Variants in WASL observed in about 807,000 individuals in gnomAD.
WASL encodes WASP like actin nucleation promoting factor.
Under a neutral mutation model 55.5 loss-of-function variants are expected in WASL, and 20 were observed. That is an observed-to-expected ratio of 0.36 (90% CI 0.25 to 0.52). The LOEUF (loss-of-function observed/expected upper bound fraction) is 0.52. Among genes scored for constraint, WASL ranks in the 20% least tolerant of loss-of-function variants. The pLI, the probability that WASL is intolerant of heterozygous loss-of-function variation, is 0.92. For missense variants in WASL, 504 were observed against 622.5 expected, an observed-to-expected ratio of 0.81 and a Z score of 2.03; for synonymous variants, 249 against 217.6, an observed-to-expected ratio of 1.14 and a Z score of -1.27.
chr7:123,725,368 G>T (rs1041893278), intron 1 of WASL, among the ~76,000 whole-genome samples: 10 of 151,676 alleles, frequency 6.6e-5, no homozygotes, highest in South Asian at 2.1e-4. Context: ...CTAATAATCT[G>T]TTTTTTTTAA....
At chr7:123,706,680 G>T in intron 3 of WASL, 60 bp downstream of exon 3, 2 of 1,203,458 alleles carry the variant, frequency 1.7e-6, no homozygotes, top group Non-Finnish European at 2.4e-6. Flanking sequence ...AAATAATTTG[G>T]ATTAGAAAAG....
intron 1 of WASL, among the ~76,000 whole-genome samples, chr7:123,746,444 A>G (rs1334954657): frequency 3.3e-5 from 5 of 152,234 alleles, no homozygotes; most frequent in Non-Finnish European, 7.3e-5. Context: ...ATGAGACAAT[A>G]TATTTCAGTA....
At chr7:123,687,022 T>C (rs1331048036) in intron 10 of WASL, among the ~76,000 whole-genome samples, 3 of 152,152 alleles carry the variant, frequency 2.0e-5, no homozygotes, top group African/African-American at 7.2e-5. Context: ...ATCTCAAATT[T>C]AATATGTAAA....
intron 1 of WASL, among the ~76,000 whole-genome samples, chr7:123,725,671 AT>A (rs1257173260): frequency 6.6e-6 from 1 of 152,212 alleles, no homozygotes; most frequent in Non-Finnish European, 1.5e-5. Context: ...AACTAAGTTC[AT>A]ACATGAGGAA....
chr7:123,692,924 T>A (rs921907274), intron 8 of WASL, 57 bp from the exon 9 acceptor site: 1 of 1,327,704 alleles, frequency 7.5e-7, no homozygotes, highest in African/African-American at 1.5e-5. Flanking sequence ...AAACATCATA[T>A]TGAAAAGTAA....
chr7:123,737,136 A>G (rs1441922166), intron 1 of WASL, among the ~76,000 whole-genome samples: 2 of 152,150 alleles, frequency 1.3e-5, no homozygotes, highest in Non-Finnish European at 2.9e-5. Context: ...TAACCCTAAC[A>G]ATAGCTGATG....
chr7:123,719,888 T>C (rs566834235), intron 1 of WASL, among the ~76,000 whole-genome samples: 2 of 152,150 alleles, frequency 1.3e-5, no homozygotes, highest in Admixed American at 6.5e-5. Flanking sequence ...GACAGGAACC[T>C]CCCAACCCAC....
chr7:123,732,480 GAC>G (rs1442339523), intron 1 of WASL, among the ~76,000 whole-genome samples: 1 of 152,138 alleles, frequency 6.6e-6, no homozygotes, highest in Non-Finnish European at 1.5e-5. Flanking sequence ...TTCCTGGAAA[GAC>G]ACGATCTATC....
chr7:123,735,858 GC>G (rs1220062098), intron 1 of WASL, among the ~76,000 whole-genome samples: 1 of 152,012 alleles, frequency 6.6e-6, no homozygotes, highest in East Asian at 1.9e-4. Context: ...GAAACGCAGG[GC>G]CAGGGAAAGA....
In WASL at chr7:123,682,851, A is replaced by G. The variant is rs1198415919; in HGVS notation, c.*1668T>C. The G allele has an allele frequency of 1.3e-5, 2 of 152,154 alleles. No homozygotes were observed. The highest frequency in any genetic ancestry group is 3.9e-4 in the East Asian group (2 of 5,194). 9.4% of individuals were successfully genotyped at this position (152,154 alleles called of 1,614,324 possible). ...GAGGGCACTGTTGTTGCAAGAAACA[A>G]AAAGTCTAGAATCTTTCCCATGTGC... On this transcript the variant is annotated 3_prime_UTR_variant, in exon 11 of 11. Transcript: ENST00000223023.
intron 5 of WASL, among the ~76,000 whole-genome samples, chr7:123,701,419 A>C (rs559462578): frequency 6.6e-6 from 1 of 152,338 alleles, no homozygotes; most frequent in South Asian, 2.1e-4. Context: ...CAAGGAAAAC[A>C]GTTGAAAAAC....
intron 5 of WASL, among the ~76,000 whole-genome samples, chr7:123,700,175 CAAAAAAAAAAAAAAAAAA>C (rs1168168286): frequency 1.3e-4 from 6 of 47,320 alleles, no homozygotes; most frequent in Non-Finnish European, 2.0e-4. Context: ...AACTCCGTCT[CAAAAAAAAAAAAAAAAAA>C]AAAAAAAAAA....
At chr7:123,714,459 G>T (rs1803806331) in intron 1 of WASL, among the ~76,000 whole-genome samples, 1 of 152,134 alleles carries the variant, frequency 6.6e-6, no homozygotes, top group South Asian at 2.1e-4. Context: ...AGGAATGAAG[G>T]AGGAAAACCA....
chr7:123,710,892 GA>G (rs1441662586), intron 1 of WASL, among the ~76,000 whole-genome samples: 1 of 152,186 alleles, frequency 6.6e-6, no homozygotes, highest in Non-Finnish European at 1.5e-5. Context: ...GAAAACTTCA[GA>G]AAAATGCGTC....
chr7:123,686,661 T>C (rs1803296355), intron 10 of WASL, among the ~76,000 whole-genome samples: 1 of 152,170 alleles, frequency 6.6e-6, no homozygotes, highest in African/African-American at 2.4e-5. Context: ...AATCATGTAG[T>C]TCACAGAAGC....
chr7:123,723,362 T>C (rs1803985534), intron 1 of WASL, among the ~76,000 whole-genome samples: 1 of 152,200 alleles, frequency 6.6e-6, no homozygotes, highest in Non-Finnish European at 1.5e-5. Flanking sequence ...ACCTTTACTA[T>C]GTGCAAATCT....
chr7:123,699,959 G>A (rs930728722), intron 5 of WASL, among the ~76,000 whole-genome samples: 33 of 152,014 alleles, frequency 2.2e-4, no homozygotes, highest in Admixed American at 1.8e-3. Flanking sequence ...GGCGGATCAC[G>A]AGGTCAGGAG....
At chr7:123,707,183 A>C (rs1451718305) in intron 2 of WASL, among the ~76,000 whole-genome samples, 6 of 152,184 alleles carry the variant, frequency 3.9e-5, no homozygotes, top group Non-Finnish European at 8.8e-5. Flanking sequence ...ATACTTTTGT[A>C]CATGAACTGA....
intron 2 of WASL, among the ~76,000 whole-genome samples, chr7:123,707,281 T>TA (rs1207662032): frequency 2.0e-5 from 3 of 152,176 alleles, no homozygotes; most frequent in Non-Finnish European, 4.4e-5. Flanking sequence ...CTCAATTTTA[T>TA]AGATGTGGGA....
Sources: gnomAD v4.1 joint callset for allele counts (sites outside exome capture counted in the v4.1 genomes callset) on GRCh38, gnomAD v4.1.1 for gene constraint, MANE v1.5 for transcripts, NCBI Gene and HGNC (gene_info 2026-07-23, HGNC 2026-07-21) for gene names.